The following RBM33 variants were observed in gnomAD, a reference collection of about 807,000 sequenced individuals.
RBM33 encodes the protein RNA-binding protein 33.
Under a neutral mutation model 132.6 loss-of-function variants are expected in RBM33, and 28 were observed. The ratio of observed to expected loss-of-function variants is 0.21; its 90% CI spans 0.16 to 0.29. The LOEUF is 0.29. Ranked by LOEUF, RBM33 falls within the 10% of genes least tolerant of loss-of-function variation. The probability of loss-of-function intolerance (pLI) is 1.00; values close to 1 mark genes in which losing one functional copy is unlikely to be tolerated. For synonymous variants in RBM33, 634 were observed against 593.0 expected (o/e 1.07, Z -1.01); for missense variants, 1,291 against 1,518.5 (o/e 0.85, Z 2.49).
chr7:155,753,844 A>G (rs1801762298), intron 14 of RBM33, among the ~76,000 whole-genome samples: 1 of 152,190 alleles, frequency 6.6e-6, no homozygotes, highest in Admixed American at 6.5e-5. Flanking sequence ...TAAAGGTGCT[A>G]ATGAGTGGTA....
In RBM33 at chr7:155,739,746, A is replaced by ATCAGCC. The variant is rs769672471; in HGVS notation, c.1781_1786dup (p.Pro594_Gln595dup). ...TTGCATCCTCCATTGCCCCCTCCGC[A>ATCAGCC]TCAGCCTCAGCCTCAGCAACCTCAG... On this transcript the variant is annotated inframe_insertion, in exon 12 of 18. Coordinates refer to ENST00000401878, the MANE Select transcript of RBM33 (RefSeq NM_053043.3). The ATCAGCC allele has an allele frequency of 4.0e-4, 612 of 1,546,382 alleles. No individual in the cohort carries two copies. Among genetic ancestry groups the ATCAGCC allele is most frequent in the Non-Finnish European group, 5.1e-4 (581 of 1,145,366 alleles).
intron 5 of RBM33, among the ~76,000 whole-genome samples, chr7:155,691,297 G>A (rs761576586): frequency 4.7e-4 from 71 of 152,176 alleles, no homozygotes; most frequent in South Asian, 1.0e-3. Flanking sequence ...CGTAGTTCTC[G>A]TGCCATGGTT....
chr7:155,757,012 G>A (rs768315947), intron 14 of RBM33, among the ~76,000 whole-genome samples: 1 of 152,174 alleles, frequency 6.6e-6, no homozygotes, highest in African/African-American at 2.4e-5. Flanking sequence ...GACAGAGATT[G>A]TAGTGTCAAC....
chr7:155,726,484 GAAT>G (rs958899245), intron 9 of RBM33, among the ~76,000 whole-genome samples: 2 of 151,980 alleles, frequency 1.3e-5, no homozygotes, highest in East Asian at 1.9e-4. Flanking sequence ...TTATATGAGA[GAAT>G]AATAATTTCT....
intron 5 of RBM33, among the ~76,000 whole-genome samples, chr7:155,689,904 A>G (rs1799585733): frequency 6.6e-6 from 1 of 152,176 alleles, no homozygotes; most frequent in Non-Finnish European, 1.5e-5. Flanking sequence ...TGTGTGGTCA[A>G]TTTTGGAATA....
At chr7:155,666,059 T>G (rs1053097904) in intron 2 of RBM33, among the ~76,000 whole-genome samples, 1 of 152,216 alleles carries the variant, frequency 6.6e-6, no homozygotes, top group African/African-American at 2.4e-5. Flanking sequence ...GATTGCTCTT[T>G]AGTGACTCAT....
intron 5 of RBM33, among the ~76,000 whole-genome samples, chr7:155,681,799 A>G (rs886878989): frequency 6.6e-5 from 10 of 152,174 alleles, no homozygotes; most frequent in African/African-American, 2.2e-4. Flanking sequence ...TTTTGTTTCA[A>G]AAAAATAGTT....
At chr7:155,674,611 T>G (rs1402042297) in intron 3 of RBM33, among the ~76,000 whole-genome samples, 1 of 152,144 alleles carries the variant, frequency 6.6e-6, no homozygotes, top group Non-Finnish European at 1.5e-5. Context: ...AGCTTTGGGG[T>G]CAGGACTGTT....
chr7:155,661,848 C>T (rs1798660181), intron 1 of RBM33, among the ~76,000 whole-genome samples: 2 of 152,126 alleles, frequency 1.3e-5, no homozygotes, highest in Admixed American at 6.5e-5. Context: ...ACGCCTGATC[C>T]TCTCACATGC....
chr7:155,658,496 G>T (rs1798553837), intron 1 of RBM33, among the ~76,000 whole-genome samples: 1 of 151,704 alleles, frequency 6.6e-6, no homozygotes, highest in Non-Finnish European at 1.5e-5. Context: ...CCTCCGCGGG[G>T]TTCAAGTGAT....
At chr7:155,673,563 C>CATATAT (rs1799024984) in intron 3 of RBM33, among the ~76,000 whole-genome samples, 1 of 87,430 alleles carries the variant, frequency 1.1e-5, no homozygotes, top group Non-Finnish European at 2.3e-5. Context: ...TATATATACA[C>CATATAT]ACATATACAT....
At chr7:155,664,637 G>A (rs1798749453) in intron 1 of RBM33, among the ~76,000 whole-genome samples, 1 of 152,154 alleles carries the variant, frequency 6.6e-6, no homozygotes, top group Non-Finnish European at 1.5e-5. Context: ...AATATCGTCT[G>A]TTGAAGTTTC....
In RBM33 at chr7:155,745,542, T is replaced by C. The variant is rs1024594442; in HGVS notation, c.2919T>C (p.Ser973=). Residue 973 remains serine, a synonymous_variant, in exon 14 of 18, where the codon AGT becomes AGC. Transcript: ENST00000401878. The surrounding 1 kb of genome is among the most constrained non-coding windows in gnomAD (Gnocchi z 4.1). Reference sequence around the variant, plus strand: ...GGACTGTCACGCACAGGACAAACAGTGGTGGTGGAGACGGGCCCCACATCA... The same window carrying C: ...GGACTGTCACGCACAGGACAAACAGCGGTGGTGGAGACGGGCCCCACATCA... ...VKRTVTHRTN[S]GGGDGPHISS... 3.1e-6 allele frequency: 5 copies of C among 1,610,828 alleles called. No individual in the cohort carries two copies. Among genetic ancestry groups the C allele is most frequent in the Admixed American group, 1.7e-5 (1 of 59,668 alleles).
At chr7:155,695,841 C>T (rs1799779057) in intron 5 of RBM33, among the ~76,000 whole-genome samples, 1 of 152,100 alleles carries the variant, frequency 6.6e-6, no homozygotes, top group Non-Finnish European at 1.5e-5. Flanking sequence ...CCTAAGAAAT[C>T]TTTGTTTACT....
chr7:155,657,015 T>C (rs1304613636), intron 1 of RBM33, among the ~76,000 whole-genome samples: 1 of 151,974 alleles, frequency 6.6e-6, no homozygotes, highest in Non-Finnish European at 1.5e-5. Flanking sequence ...GCCTGGCATA[T>C]ATTATGTGGT....
chr7:155,644,842 G>T lies in RBM33; in HGVS notation c.-35G>T, dbSNP rs1798127395. On this transcript the variant is annotated 5_prime_UTR_variant, in exon 1 of 18. Transcript: ENST00000401878. The stretch of plus-strand genomic sequence containing the variant: ...GCACGTCGGCCCACCAGCTGGCTTG[G>T]TGGGGGAGGCTGAAGGCCGGGCCCC... The T allele has an allele frequency of 6.8e-7, 1 of 1,470,698 alleles. No homozygotes were observed. The allele number at this position is 1,470,698 out of a possible 1,614,324, so 91.1% of individuals were successfully genotyped here. A position where few individuals can be genotyped will look rare whatever the true frequency, so the allele number is the denominator to read the frequency against.
chr7:155,651,914 CAT>C (rs899089178), intron 1 of RBM33, among the ~76,000 whole-genome samples: 3 of 152,128 alleles, frequency 2.0e-5, no homozygotes, highest in Non-Finnish European at 4.4e-5. Flanking sequence ...GCCCGTGTAA[CAT>C]AGGAGATTTT....
intron 5 of RBM33, among the ~76,000 whole-genome samples, chr7:155,692,739 C>G (rs1799682245): frequency 6.6e-6 from 1 of 152,206 alleles, no homozygotes; most frequent in African/African-American, 2.4e-5. Context: ...AGAGTAAAAT[C>G]TTATACTCTT....
chr7:155,745,603 G>A lies in RBM33; in HGVS notation c.2979+1G>A. ...CAGGGTGATTAAGCTGTCAGGTGGG[G>A]TAAGTTGACAAGTTTTATGAGAGCC... On this transcript the variant is annotated splice_donor_variant, in intron 14 of 17. Coordinates refer to ENST00000401878, the MANE Select transcript of RBM33 (RefSeq NM_053043.3). LOFTEE classifies it high-confidence loss of function. The surrounding 1 kb of genome is among the most constrained non-coding windows in gnomAD (Gnocchi z 4.1). 6.4e-7 allele frequency: 1 copy of A among 1,569,782 alleles called. No individual in the cohort carries two copies. Among genetic ancestry groups the A allele is most frequent in the Non-Finnish European group, 8.6e-7 (1 of 1,156,726 alleles).
Sources: allele counts gnomAD v4.1 joint callset (sites outside exome capture counted in the v4.1 genomes callset), GRCh38; gene constraint gnomAD v4.1.1; non-coding constraint Gnocchi (gnomAD v3.1); transcripts MANE v1.5; gene names NCBI Gene and HGNC (gene_info 2026-07-23, HGNC 2026-07-21).